Variants in ROPN1L observed in about 807,000 individuals in gnomAD.
ROPN1L encodes the protein ropporin-1-like protein.
A neutral mutation model predicts 22.7 loss-of-function variants in ROPN1L; 23 were observed. The ratio of observed to expected loss-of-function variants is 1.01; its 90% CI spans 0.73 to 1.43. The LOEUF is 1.43. Ranked by LOEUF, ROPN1L falls within the 40% of genes most tolerant of loss-of-function variation. The probability of loss-of-function intolerance (pLI) is 0.00; values close to 1 mark genes in which losing one functional copy is unlikely to be tolerated. For synonymous variants in ROPN1L, 116 were observed against 117.8 expected (o/e 0.98, Z 0.10); for missense variants, 271 against 291.5 (o/e 0.93, Z 0.51).
chr5:10,460,178 CAGA>C (rs1370019470), intron 3 of ROPN1L, among the ~76,000 whole-genome samples: 1 of 152,210 alleles, frequency 6.6e-6, no homozygotes, highest in Non-Finnish European at 1.5e-5. Flanking sequence ...TGTCTTGGTG[CAGA>C]AGGAGAAAAG....
intron 2 of ROPN1L, 30 bp from the exon 3 acceptor site, chr5:10,449,922 A>G (rs375876658): frequency 6.9e-6 from 11 of 1,586,830 alleles, no homozygotes; most frequent in African/African-American, 1.4e-5. Context: ...TAAAACATAC[A>G]TAAATTGTCA....
At chr5:10,462,258 CG>C (rs1735046885) in intron 4 of ROPN1L, among the ~76,000 whole-genome samples, 1 of 152,202 alleles carries the variant, frequency 6.6e-6, no homozygotes, top group Non-Finnish European at 1.5e-5. Flanking sequence ...ATGCCAGGAG[CG>C]GGGGTTGAAG....
Position 10,465,005 on chromosome 5 carries a change from A to G in ROPN1L, c.*58A>G, listed in dbSNP as rs528006489. ...GTGCTCTTTAAAATTCTGGCACCAAATACAACTTACCCTGAATCACACACC... is the reference window on the plus strand; with the variant it reads ...GTGCTCTTTAAAATTCTGGCACCAAGTACAACTTACCCTGAATCACACACC... On this transcript the variant is annotated 3_prime_UTR_variant, in exon 5 of 5. Transcript: ENST00000274134. 8 of 1,020,200 alleles carry G rather than the reference A, an allele frequency of 7.8e-6. No homozygotes were observed. The highest frequency in any genetic ancestry group is 2.3e-5 in the Admixed American group (1 of 44,200). The allele number at this position is 1,020,200 out of a possible 1,614,324, so 63.2% of individuals were successfully genotyped here.
intron 2 of ROPN1L, among the ~76,000 whole-genome samples, chr5:10,449,645 T>C (rs1407565734): frequency 1.3e-5 from 2 of 152,242 alleles, no homozygotes; most frequent in East Asian, 3.8e-4. Flanking sequence ...TTATTTTTTA[T>C]TGTGAAGCAT....
At chr5:10,482,660 G>C in the ROPN1L span, among the ~76,000 whole-genome samples, 1 of 152,196 alleles carries the variant, frequency 6.6e-6, no homozygotes, top group African/African-American at 2.4e-5. Context: ...TGGGGTCCTG[G>C]TGGGAAGGGG....
intron 3 of ROPN1L, among the ~76,000 whole-genome samples, chr5:10,460,019 G>T (rs1174990231): frequency 6.6e-6 from 1 of 152,198 alleles, no homozygotes; most frequent in Non-Finnish European, 1.5e-5. Context: ...ATCCAGGCAG[G>T]TATGAGATAG....
the ROPN1L span, among the ~76,000 whole-genome samples, chr5:10,480,821 A>G: frequency 6.6e-6 from 1 of 151,928 alleles, no homozygotes; most frequent in Non-Finnish European, 1.5e-5. Context: ...GGGCTGACAA[A>G]TCCCCCTCTG....
At chr5:10,453,594 G>T (rs187990712) in intron 3 of ROPN1L, among the ~76,000 whole-genome samples, 1 of 152,362 alleles carries the variant, frequency 6.6e-6, no homozygotes, top group East Asian at 1.9e-4. Context: ...ATAGGATGCT[G>T]TGTAATTGGT....
chr5:10,474,536 TA>T (rs1331693376), downstream of ROPN1L, among the ~76,000 whole-genome samples: 1 of 152,250 alleles, frequency 6.6e-6, no homozygotes, highest in Non-Finnish European at 1.5e-5. Context: ...ACCTCAGCTC[TA>T]CACTGCCAGG....
At chr5:10,451,928 AATCT>A (rs70947207) in intron 3 of ROPN1L, among the ~76,000 whole-genome samples, 31 of 150,634 alleles carry the variant, frequency 2.1e-4, no homozygotes, top group African/African-American at 6.6e-4. Context: ...AACTCTGTGA[AATCT>A]ATCTATCTAT....
intron 2 of ROPN1L, among the ~76,000 whole-genome samples, chr5:10,449,504 A>G (rs1389355986): frequency 1.3e-5 from 2 of 152,330 alleles, no homozygotes; most frequent in Admixed American, 1.3e-4. Flanking sequence ...GGGCAACAGA[A>G]TGAGACTGTC....
chr5:10,475,880 C>A (rs914125037), downstream of ROPN1L, among the ~76,000 whole-genome samples: 1 of 152,242 alleles, frequency 6.6e-6, no homozygotes, highest in African/African-American at 2.4e-5. Context: ...AAATACCAGT[C>A]CTCAGATGAA....
At chr5:10,468,267 C>A (rs1735187767), downstream of ROPN1L, among the ~76,000 whole-genome samples, 1 of 152,214 alleles carries the variant, frequency 6.6e-6, no homozygotes, top group Admixed American at 6.5e-5. Context: ...ACTCTCCATG[C>A]CATTTAGTGG....
rs1740901101 is a variant in ROPN1L, at chr5:10,442,148, G to C, written c.-20G>C. The C allele has an allele frequency of 1.9e-6, 3 of 1,610,236 alleles. No homozygotes were observed. The highest frequency in any genetic ancestry group is 1.7e-4 in the Middle Eastern group (1 of 6,040). On this transcript the variant is annotated 5_prime_UTR_variant, in exon 1 of 5. Transcript: ENST00000274134. ...GCAGCGCGCCGCGATTCACCAGCCT[G>C]GTCCCTTCTGCGGAGAGCGATGCCG...
In ROPN1L at chr5:10,464,427, C is replaced by T. The variant is rs754774198; in HGVS notation, c.594-421C>T. Among the ~76,000 whole-genome samples, 15 of 152,354 alleles carry T rather than the reference C, an allele frequency of 9.8e-5. No homozygotes were observed. In the South Asian group the frequency reaches 1.2e-3, roughly 13 times the overall value. ...GCTGGGCCCCTTCTCCTGCCCGATC[C>T]GCGCACCTCTTCTCTTCTTTTGTGC... On this transcript the variant is annotated intron_variant, in intron 4 of 4. Transcript: ENST00000274134.
chr5:10,455,644 G>T (rs1273656283), intron 3 of ROPN1L, among the ~76,000 whole-genome samples: 1 of 152,242 alleles, frequency 6.6e-6, no homozygotes. Context: ...CAGCCACGGG[G>T]TGAACTGCTC....
chr5:10,469,609 A>G (rs2126480467), downstream of ROPN1L, among the ~76,000 whole-genome samples: 1 of 152,370 alleles, frequency 6.6e-6, no homozygotes, highest in South Asian at 2.1e-4. Context: ...TACAAGATGC[A>G]GATGAGTGGA....
rs114733696 is a variant in ROPN1L at position 10,454,726 on chromosome 5, C to T, written c.417+4613C>T. Among the ~76,000 whole-genome samples the T allele has an allele frequency of 2.4e-3, 372 of 152,338 alleles. 3 individuals carry two copies. Among genetic ancestry groups the T allele is most frequent in the East Asian group, 7.9e-3 (41 of 5,174 alleles). On this transcript the variant is annotated intron_variant, in intron 3 of 4. Transcript: ENST00000274134. ...TCTAACGCAGTTTTCCATCTGAACACGGTGCACGCAGTGGGCATGATTTCT... is the reference window on the plus strand; with the variant it reads ...TCTAACGCAGTTTTCCATCTGAACATGGTGCACGCAGTGGGCATGATTTCT...
chr5:10,451,167 G>A (rs1356038800), intron 3 of ROPN1L, among the ~76,000 whole-genome samples: 1 of 152,242 alleles, frequency 6.6e-6, no homozygotes, highest in Non-Finnish European at 1.5e-5. Context: ...GCCCCAGTGT[G>A]TATAACTGGT....
Sources: allele counts gnomAD v4.1 joint callset (sites outside exome capture counted in the v4.1 genomes callset), GRCh38; gene constraint gnomAD v4.1.1; transcripts MANE v1.5; gene names NCBI Gene and HGNC (gene_info 2026-07-23, HGNC 2026-07-21).